The following SLC9A9 variants were observed in gnomAD, a reference collection of about 807,000 sequenced individuals.
SLC9A9 encodes the protein solute carrier family 9 member A9.
A neutral mutation model predicts 77.8 loss-of-function variants in SLC9A9; 62 were observed. That is an observed-to-expected ratio of 0.80 (90% CI 0.65 to 0.98). The LOEUF is 0.98. Among genes scored for constraint, SLC9A9 ranks in the 50% least tolerant of loss-of-function variants. SLC9A9 has a pLI of 0.00. For synonymous variants in SLC9A9, 320 were observed against 283.5 expected (o/e 1.13, Z -1.29); for missense variants, 775 against 774.9 (o/e 1.00, Z 0.00).
intron 6 of SLC9A9, among the ~76,000 whole-genome samples, chr3:143,594,297 C>T (rs1255434180): frequency 6.6e-6 from 1 of 152,094 alleles, no homozygotes; most frequent in African/African-American, 2.4e-5. Flanking sequence ...GCAAAATGTT[C>T]GATGTTGAAA....
intron 4 of SLC9A9, among the ~76,000 whole-genome samples, chr3:143,747,626 T>C (rs528599891): frequency 6.6e-6 from 1 of 152,208 alleles, no homozygotes; most frequent in Admixed American, 6.5e-5. Context: ...ACTAGAGTAA[T>C]GCAGTCATAA....
intron 4 of SLC9A9, among the ~76,000 whole-genome samples, chr3:143,778,227 T>C: frequency 6.6e-6 from 1 of 152,104 alleles, no homozygotes; most frequent in East Asian, 1.9e-4. Flanking sequence ...TCAGCACTGG[T>C]CTACAGACAA....
intron 4 of SLC9A9, among the ~76,000 whole-genome samples, chr3:143,694,263 T>TA (rs1317182133): frequency 2.0e-5 from 3 of 152,016 alleles, no homozygotes; most frequent in East Asian, 1.9e-4. Context: ...TAAATTACGT[T>TA]AAAAAAAAGT....
chr3:143,620,020 C>A (rs917421550), intron 6 of SLC9A9, among the ~76,000 whole-genome samples: 2 of 152,188 alleles, frequency 1.3e-5, no homozygotes, highest in African/African-American at 4.8e-5. Flanking sequence ...CCCCTTAACA[C>A]AGCTGTATCT....
intron 5 of SLC9A9, among the ~76,000 whole-genome samples, chr3:143,682,001 C>T (rs1933114453): frequency 6.6e-6 from 1 of 152,178 alleles, no homozygotes; most frequent in Non-Finnish European, 1.5e-5. Context: ...TTTCAGGATT[C>T]ATAGCTTTCC....
At chr3:143,601,511 C>T (rs550119926) in intron 6 of SLC9A9, among the ~76,000 whole-genome samples, 1 of 152,310 alleles carries the variant, frequency 6.6e-6, no homozygotes, top group East Asian at 1.9e-4. Context: ...GGGGAGCCAG[C>T]GTTTCTATTC....
At chr3:143,432,312 T>C (rs1436521711) in intron 12 of SLC9A9, among the ~76,000 whole-genome samples, 1 of 152,212 alleles carries the variant, frequency 6.6e-6, no homozygotes, top group Non-Finnish European at 1.5e-5. Flanking sequence ...ATGATGTATG[T>C]AGTGGGAACA....
intron 4 of SLC9A9, among the ~76,000 whole-genome samples, chr3:143,703,292 T>A (rs114817340): frequency 0.014 from 2,111 of 152,198 alleles, 45 homozygotes; most frequent in African/African-American, 0.046. Flanking sequence ...CATGGATCAT[T>A]CTCAAGGACA....
chr3:143,835,457 A>G (rs946650234), intron 1 of SLC9A9, among the ~76,000 whole-genome samples: 1 of 152,148 alleles, frequency 6.6e-6, no homozygotes, highest in Non-Finnish European at 1.5e-5. Context: ...GAAAATCCTT[A>G]TTTGTCAGAG....
rs1933393646 is a variant in SLC9A9, at chr3:143,689,670, A to C, written c.649+3522T>G. On this transcript the variant is annotated intron_variant, in intron 5 of 15. Coordinates refer to ENST00000316549, the MANE Select transcript of SLC9A9 (RefSeq NM_173653.4). ...AGTGATCCTCTCACCTTGGCCTCAC[A>C]TAGGGTTGGGATTTTAGGTGTGGGC... Among the ~76,000 whole-genome samples the C allele has an allele frequency of 2.4e-5, 3 of 123,920 alleles. No individual in the cohort carries two copies. In the South Asian group the frequency reaches 1.0e-3, roughly 42 times the overall value. The allele number at this position is 123,920 out of a possible 152,430, so 81.3% of individuals were successfully genotyped here. A position where few individuals can be genotyped will look rare whatever the true frequency, so the allele number is the denominator to read the frequency against.
At chr3:143,270,263 ATGT>A (rs1398978275) in intron 14 of SLC9A9, among the ~76,000 whole-genome samples, 2 of 152,148 alleles carry the variant, frequency 1.3e-5, no homozygotes, top group Non-Finnish European at 2.9e-5. Flanking sequence ...AAAGCTCTTG[ATGT>A]TCTTTTAATT....
rs186789197 is a variant in SLC9A9 at position 143,394,220 on chromosome 3, T to C, written c.1470-12106A>G. On this transcript the variant is annotated intron_variant, in intron 12 of 15. Transcript: ENST00000316549. Reference sequence around the variant, plus strand: ...AATCCTCAATAAAATACTGGCAAACTGAATCCAGCGGCACATCAAAAAGCT... The same window carrying C: ...AATCCTCAATAAAATACTGGCAAACCGAATCCAGCGGCACATCAAAAAGCT... Among the ~76,000 whole-genome samples, 1,202 of 152,206 alleles carry C rather than the reference T, an allele frequency of 7.9e-3. 15 individuals carry two copies. The highest frequency in any genetic ancestry group is 0.027 in the African/African-American group (1,122 of 41,528).
intron 5 of SLC9A9, among the ~76,000 whole-genome samples, chr3:143,652,810 C>CACACACACACACACACACACACACACAT (rs113827008): frequency 2.7e-5 from 4 of 148,264 alleles, no homozygotes; most frequent in African/African-American, 1.0e-4. Context: ...CACACACACA[C>CACACACACACACACACACACACACACAT]ACTTCTTGCT....
chr3:143,688,554 T>G (rs1933354627), intron 5 of SLC9A9, among the ~76,000 whole-genome samples: 2 of 152,088 alleles, frequency 1.3e-5, no homozygotes, highest in Admixed American at 1.3e-4. Context: ...GGCTGAAAAT[T>G]TATACTCTTG....
intron 14 of SLC9A9, among the ~76,000 whole-genome samples, chr3:143,347,611 T>G (rs893103737): frequency 6.6e-6 from 1 of 152,212 alleles, no homozygotes; most frequent in Non-Finnish European, 1.5e-5. Flanking sequence ...CTAGCTTTGC[T>G]GATCCTCAGT....
intron 14 of SLC9A9, among the ~76,000 whole-genome samples, chr3:143,276,784 A>C (rs1278110311): frequency 6.6e-6 from 1 of 152,022 alleles, no homozygotes; most frequent in East Asian, 1.9e-4. Context: ...TCTAAAAAAA[A>C]AAACCTCCAA....
At chr3:143,615,981 T>A (rs974593940) in intron 6 of SLC9A9, among the ~76,000 whole-genome samples, 1 of 151,754 alleles carries the variant, frequency 6.6e-6, no homozygotes, top group African/African-American at 2.4e-5. Flanking sequence ...CCTGGGTTCA[T>A]GCCATTCTCC....
chr3:143,343,551 TC>T (rs1005291955), intron 14 of SLC9A9: 2 of 151,876 alleles, frequency 1.3e-5, no homozygotes, highest in African/African-American at 4.8e-5. Flanking sequence ...ACTGCAGGAG[TC>T]CCTATTTTGT....
At chr3:143,725,419 A>G (rs1192448567) in intron 4 of SLC9A9, among the ~76,000 whole-genome samples, 8 of 152,108 alleles carry the variant, frequency 5.3e-5, no homozygotes, top group Admixed American at 4.6e-4. Context: ...TCATTCTGCT[A>G]TAAAGACACA....
Sources: gnomAD v4.1 joint callset for allele counts (sites outside exome capture counted in the v4.1 genomes callset) on GRCh38, gnomAD v4.1.1 for gene constraint, MANE v1.5 for transcripts, NCBI Gene and HGNC (gene_info 2026-07-23, HGNC 2026-07-21) for gene names.